Variants in TGFBRAP1 observed in about 807,000 individuals in gnomAD.
TGFBRAP1 encodes the protein transforming growth factor-beta receptor-associated protein 1.
TGFBRAP1 carries 20 observed loss-of-function variants against 83.2 expected under a neutral mutation model. The observed-to-expected ratio is 0.24, with a 90% confidence interval of 0.17 to 0.35. The LOEUF is 0.35. TGFBRAP1 is among the 10% of genes least tolerant of loss of function. The pLI, the probability that TGFBRAP1 is intolerant of heterozygous loss-of-function variation, is 1.00. For synonymous variants in TGFBRAP1, 415 were observed against 459.8 expected (o/e 0.90, Z 1.25); for missense variants, 950 against 1,099.4 (o/e 0.86, Z 1.92).
intron 1 of TGFBRAP1, among the ~76,000 whole-genome samples, chr2:105,310,849 A>G (rs1678666313): frequency 6.6e-6 from 1 of 152,218 alleles, no homozygotes; most frequent in Non-Finnish European, 1.5e-5. Context: ...TCATTGATTA[A>G]TCAATCAGGG....
At position 105,273,351 on chromosome 2, in the gene TGFBRAP1, C is replaced by T. The variant is rs549097378; in HGVS notation, c.1812+193G>A. On this transcript the variant is annotated intron_variant, in intron 9 of 11. Coordinates refer to ENST00000393359, the MANE Select transcript of TGFBRAP1 (RefSeq NM_004257.6). ...AAAAGCTGAGTGGGTGTGAGACGGA[C>T]GGAGAAAAAAATAAAGCTACCTATT... Among the ~76,000 whole-genome samples the T allele has an allele frequency of 1.7e-4, 26 of 152,160 alleles. No homozygotes were observed. In the South Asian group the frequency reaches 2.9e-3, roughly 17 times the overall value.
chr2:105,283,811 C>T (rs575378410), intron 5 of TGFBRAP1, among the ~76,000 whole-genome samples: 17 of 152,262 alleles, frequency 1.1e-4, no homozygotes, highest in Non-Finnish European at 2.1e-4. Flanking sequence ...GAAGGGACCT[C>T]CTTAAGAGAA....
At position 105,267,061 on chromosome 2, in the gene TGFBRAP1, G is replaced by A. The variant is rs1676963732; in HGVS notation, c.*322C>T. 3.8e-6 allele frequency: 1 copy of A among 264,870 alleles called. No homozygotes were observed. The allele number at this position is 264,870 out of a possible 1,614,324, so 16.4% of individuals were successfully genotyped here. The stretch of plus-strand genomic sequence containing the variant: ...CCCCACCTGGGTCTGGACTGCATGA[G>A]GAAGACTCCCTTTTTTTTTTTTTCA... On this transcript the variant is annotated 3_prime_UTR_variant, in exon 12 of 12. Transcript: ENST00000393359.
At chr2:105,300,539 C>A (rs931127873) in intron 2 of TGFBRAP1, among the ~76,000 whole-genome samples, 2 of 149,858 alleles carry the variant, frequency 1.3e-5, no homozygotes, top group Admixed American at 1.4e-4. Flanking sequence ...CGGGTTCAAG[C>A]GATTCTCCTG....
chr2:105,274,053 C>A (rs1376867274), intron 8 of TGFBRAP1, among the ~76,000 whole-genome samples: 1 of 152,224 alleles, frequency 6.6e-6, no homozygotes, highest in East Asian at 1.9e-4. Flanking sequence ...ACATTAAGAT[C>A]ATCCAAGAAC....
intron 1 of TGFBRAP1, among the ~76,000 whole-genome samples, chr2:105,320,190 C>A (rs1679014841): frequency 1.3e-5 from 2 of 152,146 alleles, no homozygotes; most frequent in South Asian, 4.1e-4. Flanking sequence ...TACTTCACAG[C>A]TTATAAATGA....
chr2:105,278,937 G>T (rs910003429), intron 6 of TGFBRAP1, among the ~76,000 whole-genome samples: 11 of 151,846 alleles, frequency 7.2e-5, no homozygotes, highest in Non-Finnish European at 1.0e-4. Flanking sequence ...TGCTGAAAAG[G>T]CCAATACCCA....
Position 105,267,144 on chromosome 2 carries a change from C to G in TGFBRAP1, c.*239G>C. ...TGGACAGGTGAACTCTTGTATGTTT[C>G]TGTTTTGGGGATTTTTAGGGGTTTT... is the stretch of plus-strand genomic sequence containing the variant. On this transcript the variant is annotated 3_prime_UTR_variant, in exon 12 of 12. Coordinates refer to ENST00000393359, the MANE Select transcript of TGFBRAP1 (RefSeq NM_004257.6). 1.1e-5 allele frequency: 5 copies of G among 442,788 alleles called. No individual in the cohort carries two copies. The highest frequency in any genetic ancestry group is 1.2e-5 in the Non-Finnish European group (3 of 254,342). The allele number at this position is 442,788 out of a possible 1,614,324, so 27.4% of individuals were successfully genotyped here.
the TGFBRAP1 span, among the ~76,000 whole-genome samples, chr2:105,256,026 T>C: frequency 6.6e-6 from 1 of 152,204 alleles, no homozygotes; most frequent in Admixed American, 6.5e-5. Context: ...ACGTTTTCTA[T>C]TAATACTCTC....
At chr2:105,316,964 G>T (rs1054943176) in intron 1 of TGFBRAP1, among the ~76,000 whole-genome samples, 1 of 152,150 alleles carries the variant, frequency 6.6e-6, no homozygotes, top group Non-Finnish European at 1.5e-5. Flanking sequence ...CAGACCTAGA[G>T]AACACAACTG....
intron 1 of TGFBRAP1, among the ~76,000 whole-genome samples, chr2:105,315,580 T>C (rs1244232811): frequency 6.6e-6 from 1 of 152,206 alleles, no homozygotes; most frequent in African/African-American, 2.4e-5. Flanking sequence ...AAAAGGCATA[T>C]GAATGACCAA....
the TGFBRAP1 span, among the ~76,000 whole-genome samples, chr2:105,253,396 G>A: frequency 6.6e-6 from 1 of 152,148 alleles, no homozygotes; most frequent in African/African-American, 2.4e-5. Flanking sequence ...GCCTCTCAAA[G>A]TGCTGGGATT....
intron 9 of TGFBRAP1, 134 bp from the exon 10 acceptor site, chr2:105,273,148 C>G (rs1223131808): frequency 3.6e-6 from 4 of 1,118,328 alleles, no homozygotes; most frequent in Non-Finnish European, 5.0e-6. Context: ...CTTGCTGGAT[C>G]GAAACCCTCT....
intron 1 of TGFBRAP1, chr2:105,327,228 T>C (rs1573229252): frequency 6.6e-6 from 1 of 152,106 alleles, no homozygotes; most frequent in African/African-American, 2.4e-5. Flanking sequence ...ATTTTTTTTT[T>C]CCTAACAGAA....
chr2:105,274,454 T>A (rs1465164528), intron 8 of TGFBRAP1, among the ~76,000 whole-genome samples: 1 of 152,236 alleles, frequency 6.6e-6, no homozygotes, highest in African/African-American at 2.4e-5. Flanking sequence ...TGGATTTGTG[T>A]CCCAGCTCTA....
chr2:105,306,622 A>AC (rs1300038532), intron 2 of TGFBRAP1, among the ~76,000 whole-genome samples: 1 of 151,074 alleles, frequency 6.6e-6, no homozygotes, highest in Non-Finnish European at 1.5e-5. Flanking sequence ...ACATGGTGAA[A>AC]CCCCATCTCT....
intron 7 of TGFBRAP1, among the ~76,000 whole-genome samples, chr2:105,276,009 T>C (rs1276654658): frequency 6.6e-6 from 1 of 152,172 alleles, no homozygotes; most frequent in African/African-American, 2.4e-5. Flanking sequence ...ATTAAAAATG[T>C]TTCTTCATGA....
chr2:105,280,167 A>G (rs758747072), intron 6 of TGFBRAP1, among the ~76,000 whole-genome samples: 8 of 152,106 alleles, frequency 5.3e-5, no homozygotes, highest in Admixed American at 3.9e-4. Flanking sequence ...GCCCTCCAAG[A>G]CCCCTTCAAG....
chr2:105,253,527 G>A, the TGFBRAP1 span, among the ~76,000 whole-genome samples: 60 of 152,210 alleles, frequency 3.9e-4, no homozygotes, highest in African/African-American at 1.3e-3. Context: ...AAACTCCTGG[G>A]CTCAAGTAAT....
Sources: allele counts gnomAD v4.1 joint callset (sites outside exome capture counted in the v4.1 genomes callset), GRCh38; gene constraint gnomAD v4.1.1; transcripts MANE v1.5; gene names NCBI Gene and HGNC (gene_info 2026-07-23, HGNC 2026-07-21).